Variants in HDLBP observed in about 807,000 individuals in gnomAD.
HDLBP encodes the protein vigilin.
Under a neutral mutation model 137.3 loss-of-function variants are expected in HDLBP, and 30 were observed. That is an observed-to-expected ratio of 0.22 (90% confidence interval 0.16 to 0.30). The LOEUF (loss-of-function observed/expected upper bound fraction) is 0.30. Among genes scored for constraint, HDLBP ranks in the 10% least tolerant of loss-of-function variants. HDLBP has a pLI of 1.00. For missense variants in HDLBP, 1,119 were observed against 1,667.3 expected (o/e 0.67, Z 5.73); for synonymous variants, 606 against 596.0 (o/e 1.02, Z -0.24).
At chr2:241,300,482 C>T (rs982783967) in intron 1 of HDLBP, among the ~76,000 whole-genome samples, 2 of 152,144 alleles carry the variant, frequency 1.3e-5, no homozygotes, top group Non-Finnish European at 2.9e-5. Context: ...CACATTTCCA[C>T]CACTTCAAGA....
intron 1 of HDLBP, among the ~76,000 whole-genome samples, chr2:241,281,269 G>A (rs765781352): frequency 3.9e-5 from 6 of 152,150 alleles, no homozygotes; most frequent in Non-Finnish European, 8.8e-5. Context: ...TGGGAGAATC[G>A]CTTGAACCCG....
chr2:241,277,728 G>A (rs148486665), intron 1 of HDLBP, among the ~76,000 whole-genome samples: 2,471 of 152,310 alleles, frequency 0.016, 42 homozygotes, highest in African/African-American at 0.044. Context: ...TTGGGAGGCC[G>A]AGGCGGGCGG....
chr2:241,264,456 T>G lies in HDLBP; in HGVS notation c.226A>C (p.Ile76Leu). The part of the protein sequence containing the change: ...NKIRPIKASV[I>L]TQVFHVPLEE... ...AAGAATGGTGTTTCTACCTGAGTGA[T>G]GACAGAAGCCTTGATGGGTCGGATC... Residue 76 changes from isoleucine (I) to leucine (L), a missense_variant, in exon 4 of 28, where the codon ATC (isoleucine) becomes CTC (leucine). By Grantham distance (5) the Ile-to-Leu change is conservative. Coordinates refer to ENST00000310931, the MANE Select transcript of HDLBP (RefSeq NM_005336.6). 6.2e-7 allele frequency: 1 copy of G among 1,610,522 alleles called. No individual in the cohort carries two copies. The highest frequency in any genetic ancestry group is 8.5e-7 in the Non-Finnish European group (1 of 1,177,410).
intron 1 of HDLBP, among the ~76,000 whole-genome samples, chr2:241,284,433 C>G (rs888632324): frequency 6.6e-6 from 1 of 152,182 alleles, no homozygotes; most frequent in Non-Finnish European, 1.5e-5. Context: ...CATGATAAAA[C>G]GTGAACAGAT....
chr2:241,256,474 T>TG (rs1328891499), intron 6 of HDLBP, 75 bp from the exon 7 acceptor site: 1 of 1,499,776 alleles, frequency 6.7e-7, no homozygotes, highest in Admixed American at 1.8e-5. Flanking sequence ...TTTTTAGAGT[T>TG]GGAGTCAAGC....
At chr2:241,242,971 C>A (rs368179942) in intron 16 of HDLBP, among the ~76,000 whole-genome samples, 1 of 152,100 alleles carries the variant, frequency 6.6e-6, no homozygotes, top group Non-Finnish European at 1.5e-5. Flanking sequence ...GAGGTGGGAG[C>A]GTGGTAATTT....
chr2:241,239,487 T>G lies in HDLBP; in HGVS notation c.2610+115A>C. The G allele has an allele frequency of 1.2e-6, 1 of 827,014 alleles. No homozygotes were observed. Among genetic ancestry groups the G allele is most frequent in the Non-Finnish European group, 2.0e-6 (1 of 504,846 alleles). 51.2% of individuals were successfully genotyped at this position (827,014 alleles called of 1,614,324 possible). A position where few individuals can be genotyped will look rare whatever the true frequency, so the allele number is the denominator to read the frequency against. On this transcript the variant is annotated intron_variant, in intron 19 of 27. Transcript: ENST00000310931. This position sits in a 1 kb window ranked among gnomAD's most constrained non-coding sequence, Gnocchi z 4.6. ...CACCAGAAAGCCCCTTCTGAAGCCT[T>G]CCAGGGCTGTATGAGGGAGTCACCT...
At position 241,235,541 on chromosome 2, in the gene HDLBP, G is replaced by GT; in HGVS notation, c.2957dup (p.Tyr986Ter). 6.2e-7 allele frequency: 1 copy of GT among 1,614,046 alleles called. No individual in the cohort carries two copies. The highest frequency in any genetic ancestry group is 8.5e-7 in the Non-Finnish European group (1 of 1,179,968). ...TCCCACTTCCTTTCTGCCCAATAACGTAACGGTGAAGGTCAAAGGGCACCT... is the reference window on the plus strand; with the variant it reads ...TCCCACTTCCTTTCTGCCCAATAACGTTAACGGTGAAGGTCAAAGGGCACCT... ...EVEVPFDLHR[Y>*]VIGQKGSGIR... Residue 986 changes from tyrosine (Y) to a stop codon, truncating the protein, a stop_gained and frameshift_variant, in exon 22 of 28, where the codon TAC becomes TAAC. Transcript: ENST00000310931. LOFTEE classifies it high-confidence loss of function.
In HDLBP at chr2:241,255,038, A is replaced by AAT; in HGVS notation, c.1188+12_1188+13insAT. 1.3e-6 allele frequency: 2 copies of AAT among 1,570,390 alleles called. No homozygotes were observed. The highest frequency in any genetic ancestry group is 1.8e-6 in the Non-Finnish European group (2 of 1,140,168). On this transcript the variant is annotated intron_variant, in intron 9 of 27. Transcript: ENST00000310931. Reference sequence around the variant, plus strand: ...GACAAATTCAATACAACAGGTGAAAAACGTGTCCTTACCTTTGGCATCTGC... The same window carrying AAT: ...GACAAATTCAATACAACAGGTGAAAAATACGTGTCCTTACCTTTGGCATCTGC...
intron 1 of HDLBP, among the ~76,000 whole-genome samples, chr2:241,274,952 A>C (rs2074335192): frequency 6.6e-6 from 1 of 152,144 alleles, no homozygotes; most frequent in Admixed American, 6.5e-5. Context: ...TAAAGTCATG[A>C]TCCCCAAAAG....
At chr2:241,310,002 C>T (rs1482388749) in intron 1 of HDLBP, among the ~76,000 whole-genome samples, 1 of 152,108 alleles carries the variant, frequency 6.6e-6, no homozygotes, top group African/African-American at 2.4e-5. Context: ...CTCTGACTCA[C>T]GAGCAGGCAC....
chr2:241,236,903 CAGG>C (rs1459341972), intron 20 of HDLBP, 134 bp from the exon 21 acceptor site: 6 of 802,000 alleles, frequency 7.5e-6, no homozygotes, highest in African/African-American at 7.4e-5. Flanking sequence ...TCCTGTCCTT[CAGG>C]AGGTCTTGGT....
chr2:241,279,808 A>G (rs1378876344), intron 1 of HDLBP: 2 of 604,780 alleles, frequency 3.3e-6, no homozygotes, highest in Non-Finnish European at 4.1e-6. Context: ...GGAAATATGT[A>G]CAAGAATGCT....
chr2:241,305,764 T>A (rs1038617192), intron 1 of HDLBP, among the ~76,000 whole-genome samples: 1 of 146,204 alleles, frequency 6.8e-6, no homozygotes, highest in Non-Finnish European at 1.5e-5. Context: ...TTATTTGTTT[T>A]TTTTTTTTTT....
chr2:241,255,703 G>C, intron 7 of HDLBP, 123 bp from the exon 8 acceptor site: 1 of 727,820 alleles, frequency 1.4e-6, no homozygotes, highest in Non-Finnish European at 2.4e-6. Flanking sequence ...ATCCCAAGAA[G>C]TGAACAACAA....
At chr2:241,301,283 G>A (rs1030435357) in intron 1 of HDLBP, among the ~76,000 whole-genome samples, 1 of 151,606 alleles carries the variant, frequency 6.6e-6, no homozygotes, top group African/African-American at 2.4e-5. Context: ...CACTGCACCC[G>A]GCCACACACA....
intron 10 of HDLBP, 71 bp downstream of exon 10, chr2:241,253,322 G>C: frequency 9.6e-7 from 1 of 1,038,354 alleles, no homozygotes; most frequent in Non-Finnish European, 1.5e-6. Context: ...GTCATCGAGA[G>C]ATGACCGCCC....
intron 1 of HDLBP, among the ~76,000 whole-genome samples, chr2:241,307,003 A>G (rs1285303261): frequency 7.0e-6 from 1 of 142,600 alleles, no homozygotes; most frequent in East Asian, 2.1e-4. Context: ...AAAAGCCCAA[A>G]ATTGAAGTGA....
chr2:241,259,644 CCA>C (rs1437627145), intron 5 of HDLBP, among the ~76,000 whole-genome samples: 1 of 152,114 alleles, frequency 6.6e-6, no homozygotes, highest in Non-Finnish European at 1.5e-5. Context: ...GAGCACGCCA[CCA>C]CTATTTTTTG....
Sources: gnomAD v4.1 joint callset for allele counts (sites outside exome capture counted in the v4.1 genomes callset) on GRCh38, gnomAD v4.1.1 for gene constraint, Gnocchi (gnomAD v3.1) non-coding constraint, MANE v1.5 for transcripts, NCBI Gene and HGNC (gene_info 2026-07-23, HGNC 2026-07-21) for gene names.